COL14A1: variants seen among roughly 807,000 people sequenced by gnomAD.
COL14A1 encodes the protein collagen alpha-1(XIV) chain.
A neutral mutation model predicts 230.3 loss-of-function variants in COL14A1; 136 were observed. The observed-to-expected ratio is 0.59, with a 90% CI of 0.51 to 0.68. COL14A1 has a LOEUF of 0.68. COL14A1 is among the 30% of genes least tolerant of loss of function. The pLI, the probability that COL14A1 is intolerant of heterozygous loss-of-function variation, is 0.00. For missense variants in COL14A1, 1,976 were observed against 2,215.8 expected (o/e 0.89, Z 2.17); for synonymous variants, 792 against 784.1 (o/e 1.01, Z -0.17).
Position 120,344,523 on chromosome 8 carries a change from G to A in COL14A1, c.4889-852G>A, listed in dbSNP as rs1045672215. Among the ~76,000 whole-genome samples the A allele has an allele frequency of 3.3e-5, 5 of 152,222 alleles. No homozygotes were observed. In the East Asian group the frequency reaches 5.8e-4, roughly 18 times the overall value. On this transcript the variant is annotated intron_variant, in intron 44 of 47. Transcript: ENST00000297848. ...CTCACCTGCCCAGGCAACAATGGACGTGCCTACTAATAACATTGAGTCATC... is the reference window on the plus strand; with the variant it reads ...CTCACCTGCCCAGGCAACAATGGACATGCCTACTAATAACATTGAGTCATC...
intron 23 of COL14A1, among the ~76,000 whole-genome samples, chr8:120,262,180 T>A (rs1191134499): frequency 2.0e-5 from 3 of 151,676 alleles, no homozygotes; most frequent in Admixed American, 6.6e-5. Flanking sequence ...AGTTCAGATT[T>A]AAAAAAAATA....
intron 1 of COL14A1, among the ~76,000 whole-genome samples, chr8:120,142,073 T>C (rs1227566353): frequency 6.9e-6 from 1 of 145,332 alleles, no homozygotes; most frequent in African/African-American, 2.6e-5. Flanking sequence ...AAAAGGAAAT[T>C]TTTTTTTTCT....
intron 45 of COL14A1, among the ~76,000 whole-genome samples, chr8:120,364,635 C>A (rs1414888882): frequency 6.6e-6 from 1 of 152,086 alleles, no homozygotes; most frequent in East Asian, 1.9e-4. Context: ...GTAATCCCAG[C>A]ACTTTGGAAG....
At chr8:120,194,049 G>A (rs1816939223) in intron 5 of COL14A1, among the ~76,000 whole-genome samples, 1 of 152,180 alleles carries the variant, frequency 6.6e-6, no homozygotes, top group Non-Finnish European at 1.5e-5. Flanking sequence ...ACGGTGCGCT[G>A]CACCCACTGT....
At chr8:120,255,590 T>G (rs1300827442) in intron 23 of COL14A1, among the ~76,000 whole-genome samples, 1 of 152,180 alleles carries the variant, frequency 6.6e-6, no homozygotes, top group African/African-American at 2.4e-5. Context: ...TAGTGCTGAT[T>G]TTTTAGAGTT....
chr8:120,189,697 A>G (rs1816755780), intron 5 of COL14A1, among the ~76,000 whole-genome samples: 1 of 130,414 alleles, frequency 7.7e-6, no homozygotes, highest in African/African-American at 2.9e-5. Context: ...ATGTGTTCTC[A>G]TTGTTCAGTT....
In COL14A1 at chr8:120,228,797, C is replaced by A. The variant is rs1240937363; in HGVS notation, c.2197+28C>A. ...AAGGTCAAATAGTAGCCTGCTTAAC[C>A]ACTTTAAAAATTTTCTTTAAACAGA... On this transcript the variant is annotated intron_variant, in intron 18 of 47. Coordinates refer to ENST00000297848, the MANE Select transcript of COL14A1 (RefSeq NM_021110.4). The A allele has an allele frequency of 2.5e-6, 4 of 1,599,478 alleles. No homozygotes were observed. The African/African-American group carries it at 5.4e-5, about 21-fold the overall frequency.
At chr8:120,236,493 A>C (rs1335873968) in intron 19 of COL14A1, among the ~76,000 whole-genome samples, 3 of 146,968 alleles carry the variant, frequency 2.0e-5, no homozygotes, top group Non-Finnish European at 4.5e-5. Flanking sequence ...CCATCCCTTT[A>C]TTTTGAGTCT....
Position 120,163,176 on chromosome 8 carries a change from A to G in COL14A1, c.349+607A>G, listed in dbSNP as rs574500986. Among the ~76,000 whole-genome samples the G allele has an allele frequency of 6.6e-5, 10 of 152,346 alleles. No homozygotes were observed. The South Asian group carries it at 2.1e-3, about 32-fold the overall frequency. On this transcript the variant is annotated intron_variant, in intron 4 of 47. Transcript: ENST00000297848. ...AATCAGTTGACACAGGGACTGTTCT[A>G]TGCCAGTCTCCATGATAAGCTGATT...
chr8:120,194,980 G>A (rs577613204), intron 5 of COL14A1, among the ~76,000 whole-genome samples: 2 of 152,282 alleles, frequency 1.3e-5, no homozygotes, highest in South Asian at 4.1e-4. Flanking sequence ...ACCAGCTGAT[G>A]GCTCTGTATT....
chr8:120,178,849 A>G (rs368615239), intron 5 of COL14A1, among the ~76,000 whole-genome samples: 13 of 150,618 alleles, frequency 8.6e-5, no homozygotes, highest in African/African-American at 2.7e-4. Flanking sequence ...CTTTTTTTTC[A>G]TGTTTGTTGC....
At chr8:120,349,965 A>C (rs1456932780) in intron 45 of COL14A1, among the ~76,000 whole-genome samples, 4 of 140,562 alleles carry the variant, frequency 2.8e-5, no homozygotes, top group Non-Finnish European at 6.1e-5. Context: ...TGAAGGAAAA[A>C]ATGTTAAGGG....
In COL14A1 at chr8:120,261,089, A is replaced by G. The variant is rs959343138; in HGVS notation, c.2870-1779A>G. ...CAACTGTATATTTCAAAATAGCTGG[A>G]AAAAAAGAATTGTAATATTCCCAAC... On this transcript the variant is annotated intron_variant, in intron 23 of 47. Coordinates refer to ENST00000297848, the MANE Select transcript of COL14A1 (RefSeq NM_021110.4). Among the ~76,000 whole-genome samples the G allele has an allele frequency of 1.2e-4, 18 of 152,308 alleles. No homozygotes were observed. In the East Asian group the frequency reaches 2.9e-3, roughly 24 times the overall value.
At chr8:120,182,725 CG>C (rs1193775541) in intron 5 of COL14A1, among the ~76,000 whole-genome samples, 25 of 109,772 alleles carry the variant, frequency 2.3e-4, no homozygotes, top group East Asian at 1.1e-3. Flanking sequence ...TATTTTTCTT[CG>C]TTTTTTTTTT....
At chr8:120,168,968 C>G (rs10955957) in intron 5 of COL14A1, among the ~76,000 whole-genome samples, 98,651 of 151,848 alleles carry the variant, frequency 0.65, 32,585 homozygotes, top group African/African-American at 0.76. Context: ...CGATTCTCCT[C>G]CCTCAGCCTC....
chr8:120,343,501 A>ATC, intron 44 of COL14A1, among the ~76,000 whole-genome samples: 1 of 152,286 alleles, frequency 6.6e-6, no homozygotes, highest in East Asian at 1.9e-4. Context: ...ATAAATCCAA[A>ATC]TCTCACCCTG....
At chr8:120,282,683 G>A (rs1388869140) in intron 31 of COL14A1, among the ~76,000 whole-genome samples, 2 of 152,036 alleles carry the variant, frequency 1.3e-5, no homozygotes, top group African/African-American at 4.8e-5. Flanking sequence ...ATATGTAAAG[G>A]GTTGTATTTT....
intron 9 of COL14A1, among the ~76,000 whole-genome samples, chr8:120,206,466 C>T (rs1055304585): frequency 3.1e-4 from 47 of 152,206 alleles, no homozygotes; most frequent in African/African-American, 1.1e-3. Flanking sequence ...TCTCCTGCCT[C>T]AGCCTCCAAA....
At chr8:120,362,755 A>C (rs1324853188) in intron 45 of COL14A1, among the ~76,000 whole-genome samples, 1 of 152,174 alleles carries the variant, frequency 6.6e-6, no homozygotes, top group African/African-American at 2.4e-5. Context: ...GTGAACCCAA[A>C]ACTGCTCTAA....
Sources: allele counts gnomAD v4.1 joint callset (sites outside exome capture counted in the v4.1 genomes callset), GRCh38; gene constraint gnomAD v4.1.1; transcripts MANE v1.5; gene names NCBI Gene and HGNC (gene_info 2026-07-23, HGNC 2026-07-21).